Variants in MTMR3 observed in about 807,000 individuals in gnomAD.
The protein encoded by MTMR3 is phosphatidylinositol-3,5-bisphosphate 3-phosphatase MTMR3.
MTMR3 carries 32 observed loss-of-function variants against 132.4 expected under a neutral mutation model. That is an observed-to-expected ratio of 0.24 (90% confidence interval 0.18 to 0.32). The LOEUF (loss-of-function observed/expected upper bound fraction) is 0.32, where lower values mean the gene tolerates loss of function less well. MTMR3 is among the 10% of genes least tolerant of loss of function. The pLI is 1.00. For synonymous variants in MTMR3, 556 were observed against 550.3 expected (o/e 1.01, Z -0.14); for missense variants, 1,216 against 1,489.6 (o/e 0.82, Z 3.02).
intron 1 of MTMR3, among the ~76,000 whole-genome samples, chr22:29,913,199 G>C (rs1569001431): frequency 1.3e-5 from 2 of 152,164 alleles, no homozygotes; most frequent in Non-Finnish European, 2.9e-5. Context: ...AGTGAGCCAT[G>C]ATTGCACCAC....
At chr22:29,950,368 T>A (rs558344254) in intron 1 of MTMR3, among the ~76,000 whole-genome samples, 14 of 148,740 alleles carry the variant, frequency 9.4e-5, no homozygotes, top group South Asian at 4.2e-4. Flanking sequence ...TTTTTATTTA[T>A]TTTTTTATTT....
chr22:29,957,779 C>A (rs183228653), intron 2 of MTMR3, among the ~76,000 whole-genome samples: 2 of 152,204 alleles, frequency 1.3e-5, no homozygotes, highest in Admixed American at 6.5e-5. Flanking sequence ...AGCAGTTCCC[C>A]CTTACCTTCT....
chr22:29,945,003 T>C (rs1374929187), intron 1 of MTMR3, among the ~76,000 whole-genome samples: 1 of 152,208 alleles, frequency 6.6e-6, no homozygotes, highest in Non-Finnish European at 1.5e-5. Context: ...ATTTTATTTC[T>C]GGAAATGAAT....
In MTMR3 at chr22:29,889,284, CT is replaced by C. The variant is rs71324792; in HGVS notation, c.-138+5947del. 7.2e-3 allele frequency among the ~76,000 whole-genome samples: 842 copies of C among 116,362 alleles called. 10 individuals carry two copies. The highest frequency in any genetic ancestry group is 0.019 in the African/African-American group (600 of 30,968). The allele number at this position is 116,362 out of a possible 152,430, so 76.3% of individuals were successfully genotyped here. ...ATTTCTGGTTATGAAAGCTACGGAA[CT>C]TTTTTTTTTTTTTTTTTTTTTAGAT... On this transcript the variant is annotated intron_variant, in intron 1 of 19. Transcript: ENST00000401950.
At chr22:30,014,502 C>CTTTTTTTTTTTTTT (rs56934428) in intron 14 of MTMR3, 1 of 78,812 alleles carries the variant, frequency 1.3e-5, no homozygotes, top group African/African-American at 4.8e-5. Flanking sequence ...CCCTCCAGTT[C>CTTTTTTTTTTTTTT]TTTTTTTTTT....
At chr22:29,902,836 T>G (rs2065026820) in intron 1 of MTMR3, among the ~76,000 whole-genome samples, 1 of 152,226 alleles carries the variant, frequency 6.6e-6, no homozygotes, top group South Asian at 2.1e-4. Context: ...ATTACCTATG[T>G]TAATAAATTA....
At chr22:29,995,701 A>G (rs1264669182) in intron 7 of MTMR3, 1 of 152,336 alleles carries the variant, frequency 6.6e-6, no homozygotes, top group Non-Finnish European at 1.5e-5. Context: ...TTGGGATATC[A>G]CAATGTATTT....
chr22:29,940,790 A>G (rs559143591), intron 1 of MTMR3, among the ~76,000 whole-genome samples: 1 of 150,168 alleles, frequency 6.7e-6, no homozygotes, highest in African/African-American at 2.5e-5. Flanking sequence ...TTGGAGGCTA[A>G]TTATATTTAG....
At chr22:29,958,705 A>T (rs1447311162) in intron 2 of MTMR3, among the ~76,000 whole-genome samples, 1 of 152,142 alleles carries the variant, frequency 6.6e-6, no homozygotes, top group Non-Finnish European at 1.5e-5. Context: ...GTATCTCTTA[A>T]CATACTCTTG....
At chr22:29,985,710 G>A (rs1371201562) in intron 5 of MTMR3, 1 of 152,184 alleles carries the variant, frequency 6.6e-6, no homozygotes, top group African/African-American at 2.4e-5. Flanking sequence ...TCTGTGACTT[G>A]TAATACACAT....
chr22:29,956,499 G>GATCCC, intron 1 of MTMR3, among the ~76,000 whole-genome samples: 1 of 152,010 alleles, frequency 6.6e-6, no homozygotes, highest in African/African-American at 2.4e-5. Context: ...CGCCTGCCTT[G>GATCCC]GCCTCCCAAA....
chr22:30,019,564 C>T lies in MTMR3; in HGVS notation c.1905C>T (p.Pro635=). The T allele has an allele frequency of 8.1e-6, 13 of 1,613,772 alleles. No homozygotes were observed. Among genetic ancestry groups the T allele is most frequent in the Non-Finnish European group, 1.1e-5 (13 of 1,180,046 alleles). ...VPLASRRCSD[P]SLNEKWQEHR... ...TGGCCAGCCGGCGCTGCAGCGACCCCAGCCTGAACGAGAAGTGGCAGGAGC... is the reference window on the plus strand; with the variant it reads ...TGGCCAGCCGGCGCTGCAGCGACCCTAGCCTGAACGAGAAGTGGCAGGAGC... Residue 635 remains proline, a synonymous_variant, in exon 17 of 20, where the codon CCC becomes CCT. Coordinates refer to ENST00000401950, the MANE Select transcript of MTMR3 (RefSeq NM_021090.4).
Position 30,020,048 on chromosome 22 carries a change from C to T in MTMR3, c.2389C>T (p.Arg797Ter), listed in dbSNP as rs778972988. The T allele has an allele frequency of 1.2e-6, 2 of 1,614,150 alleles. No individual in the cohort carries two copies. Among genetic ancestry groups the T allele is most frequent in the South Asian group, 1.1e-5 (1 of 91,082 alleles). ...CCTGGAGGTCCCTGTGGAGCAGTTTCGAATAGAAGAGATTGCAGAGGGTAG... is the reference window on the plus strand; with the variant it reads ...CCTGGAGGTCCCTGTGGAGCAGTTTTGAATAGAAGAGATTGCAGAGGGTAG... Reference protein sequence around the residue: ...DSLEVPVEQFRIEEIAEGREE... With the variant: ...DSLEVPVEQF Residue 797 changes from arginine (R) to a stop codon, truncating the protein, a stop_gained, in exon 17 of 20, where the codon CGA becomes TGA. Coordinates refer to ENST00000401950, the MANE Select transcript of MTMR3 (RefSeq NM_021090.4). LOFTEE classifies it high-confidence loss of function.
intron 1 of MTMR3, among the ~76,000 whole-genome samples, chr22:29,943,685 T>C (rs899811598): frequency 6.6e-6 from 1 of 152,178 alleles, no homozygotes; most frequent in African/African-American, 2.4e-5. Flanking sequence ...AAGGATTATT[T>C]TGCTATGTCT....
At position 30,029,273 on chromosome 22, in the gene MTMR3, G is replaced by A. The variant is rs1043791108; in HGVS notation, c.*3472G>A. On this transcript the variant is annotated 3_prime_UTR_variant, in exon 20 of 20. Transcript: ENST00000401950. ...AGAACTTTCCTATCCTGGCACTCTC[G>A]TTACCTTTCTTCTATACCTTGGCCT... 12 of 152,322 alleles carry A rather than the reference G, an allele frequency of 7.9e-5. No individual in the cohort carries two copies. The highest frequency in any genetic ancestry group is 1.5e-4 in the Non-Finnish European group (10 of 68,034). The allele number at this position is 152,322 out of a possible 1,614,324, so 9.4% of individuals were successfully genotyped here.
chr22:29,950,118 C>T (rs993245757), intron 1 of MTMR3, among the ~76,000 whole-genome samples: 1 of 152,158 alleles, frequency 6.6e-6, no homozygotes, highest in Non-Finnish European at 1.5e-5. Flanking sequence ...AGTCAGGAAA[C>T]CTTTTTCCGA....
Position 30,020,006 on chromosome 22 carries a change from C to T in MTMR3, c.2347C>T (p.Pro783Ser), listed in dbSNP as rs764531792. ...SVLLSSLQVP[P>S]RGEDSLEVPV... ...TCTCCTCAGTTCTCTCCAGGTCCCC[C>T]CCAGGGGAGAGGATTCCCTGGAGGT... The change falls in exon 17 of 20, where the codon CCC (proline) becomes TCC (serine). Residue 783 changes from proline to serine, a missense_variant. Pro to Ser is a moderately conservative substitution (Grantham distance 74, BLOSUM62 -1). Transcript: ENST00000401950. 1.9e-6 allele frequency: 3 copies of T among 1,614,192 alleles called. No individual in the cohort carries two copies. Among genetic ancestry groups the T allele is most frequent in the Non-Finnish European group, 2.5e-6 (3 of 1,180,038 alleles).
At chr22:29,928,760 C>T (rs2065578957) in intron 1 of MTMR3, among the ~76,000 whole-genome samples, 1 of 151,908 alleles carries the variant, frequency 6.6e-6, no homozygotes, top group Non-Finnish European at 1.5e-5. Flanking sequence ...AGTGATCCAC[C>T]CTCCTTGGCC....
At chr22:29,885,581 C>T (rs1047605340) in intron 1 of MTMR3, among the ~76,000 whole-genome samples, 2 of 152,166 alleles carry the variant, frequency 1.3e-5, no homozygotes, top group African/African-American at 2.4e-5. Flanking sequence ...AAGTCGGCTT[C>T]TGGCTCATAA....
Sources: allele counts gnomAD v4.1 joint callset (sites outside exome capture counted in the v4.1 genomes callset), GRCh38; gene constraint gnomAD v4.1.1; transcripts MANE v1.5; gene names NCBI Gene and HGNC (gene_info 2026-07-23, HGNC 2026-07-21).